SCMH1: variants seen among roughly 807,000 people sequenced by gnomAD.
SCMH1 encodes polycomb protein SCMH1.
Under a neutral mutation model 70.8 loss-of-function variants are expected in SCMH1, and 37 were observed. That is an observed-to-expected ratio of 0.52 (90% CI 0.40 to 0.69). The LOEUF is 0.69. Ranked by LOEUF, SCMH1 falls within the 30% of genes least tolerant of loss-of-function variation. The pLI, the probability that SCMH1 is intolerant of heterozygous loss-of-function variation, is 0.00. For synonymous variants in SCMH1, 292 were observed against 307.4 expected (o/e 0.95, Z 0.52); for missense variants, 607 against 827.3 (o/e 0.73, Z 3.27).
At chr1:41,223,966 C>T (rs1171865434) in intron 1 of SCMH1, among the ~76,000 whole-genome samples, 1 of 152,110 alleles carries the variant, frequency 6.6e-6, no homozygotes, top group Non-Finnish European at 1.5e-5. Flanking sequence ...AAATCATCCT[C>T]GGATGATCCA....
chr1:41,191,022 G>A (rs1470665072), intron 1 of SCMH1, among the ~76,000 whole-genome samples: 2 of 152,162 alleles, frequency 1.3e-5, no homozygotes, highest in Non-Finnish European at 2.9e-5. Flanking sequence ...TTACTGGTGT[G>A]CATCAATGCG....
At chr1:41,133,522 CA>C (rs1642732453) in intron 6 of SCMH1, among the ~76,000 whole-genome samples, 1 of 151,820 alleles carries the variant, frequency 6.6e-6, no homozygotes, top group Admixed American at 6.6e-5. Flanking sequence ...AAAAGATCAA[CA>C]AAATATAGAC....
intron 1 of SCMH1, among the ~76,000 whole-genome samples, chr1:41,199,554 G>C (rs544913271): frequency 3.6e-3 from 551 of 152,120 alleles, no homozygotes; most frequent in Non-Finnish European, 6.5e-3. Context: ...CTGAACTTTG[G>C]AAGTTAAGGT....
At chr1:41,188,704 C>A (rs1435780956) in intron 1 of SCMH1, among the ~76,000 whole-genome samples, 1 of 152,084 alleles carries the variant, frequency 6.6e-6, no homozygotes, top group African/African-American at 2.4e-5. Flanking sequence ...CAACAGGCCA[C>A]CCCTTGAAGC....
intron 1 of SCMH1, among the ~76,000 whole-genome samples, chr1:41,202,196 C>T (rs149113043): frequency 0.016 from 2,383 of 151,982 alleles, 61 homozygotes; most frequent in African/African-American, 0.055. Context: ...CGACCACGCC[C>T]GGCTAATTTT....
intron 5 of SCMH1, among the ~76,000 whole-genome samples, chr1:41,146,475 G>T (rs1644581448): frequency 6.6e-6 from 1 of 151,778 alleles, no homozygotes. Context: ...GCAATTTCCA[G>T]TCCTCCAAGC....
intron 8 of SCMH1, among the ~76,000 whole-genome samples, chr1:41,077,822 G>A (rs1658795191): frequency 6.6e-6 from 1 of 152,132 alleles, no homozygotes; most frequent in South Asian, 2.1e-4. Flanking sequence ...ACCAGTTGGA[G>A]CCTCAATAGT....
At chr1:41,042,594 A>G (rs1646334332) in intron 12 of SCMH1, among the ~76,000 whole-genome samples, 1 of 151,946 alleles carries the variant, frequency 6.6e-6, no homozygotes, top group South Asian at 2.1e-4. Flanking sequence ...AGCCACATGC[A>G]TAGTTCTGAA....
chr1:41,057,211 C>T (rs1442915352), intron 10 of SCMH1, among the ~76,000 whole-genome samples: 8 of 152,220 alleles, frequency 5.3e-5, no homozygotes, highest in Admixed American at 2.6e-4. Context: ...TGCTTCCCAT[C>T]GCTCCACATC....
At chr1:41,054,506 T>C (rs1477379686) in intron 10 of SCMH1, among the ~76,000 whole-genome samples, 2 of 152,174 alleles carry the variant, frequency 1.3e-5, no homozygotes, top group Non-Finnish European at 2.9e-5. Flanking sequence ...ATTTCGACTC[T>C]AGAAAAGGAC....
At chr1:41,081,366 T>C (rs923195782) in intron 8 of SCMH1, among the ~76,000 whole-genome samples, 1 of 152,198 alleles carries the variant, frequency 6.6e-6, no homozygotes, top group African/African-American at 2.4e-5. Context: ...TTCTAAAAAA[T>C]GTGTGGTGTA....
At chr1:41,216,880 T>C (rs924267542) in intron 1 of SCMH1, among the ~76,000 whole-genome samples, 4 of 152,174 alleles carry the variant, frequency 2.6e-5, no homozygotes, top group African/African-American at 9.7e-5. Flanking sequence ...CTCATAGTTG[T>C]GGAGGCCAGA....
chr1:41,053,867 C>CA (rs1310842188), intron 10 of SCMH1, among the ~76,000 whole-genome samples: 2 of 151,400 alleles, frequency 1.3e-5, no homozygotes, highest in Non-Finnish European at 2.9e-5. Flanking sequence ...GTTTTTGAGA[C>CA]AGAGTCTTGC....
At position 41,222,545 on chromosome 1, in the gene SCMH1, A is replaced by G. The variant is rs556597452; in HGVS notation, c.-118+19514T>C. On this transcript the variant is annotated intron_variant, in intron 1 of 14. Transcript: ENST00000337495. Reference sequence around the variant, plus strand: ...GGAATGCACCTTCTATAATACAGCAAAAGAGACTGTACCGAGACATATCAC... The same window carrying G: ...GGAATGCACCTTCTATAATACAGCAGAAGAGACTGTACCGAGACATATCAC... Among the ~76,000 whole-genome samples the G allele has an allele frequency of 2.0e-5, 3 of 152,326 alleles. No individual in the cohort carries two copies. In the East Asian group the frequency reaches 5.8e-4, roughly 29 times the overall value.
At chr1:41,221,205 A>C (rs1659177112) in intron 1 of SCMH1, among the ~76,000 whole-genome samples, 1 of 152,178 alleles carries the variant, frequency 6.6e-6, no homozygotes, top group Non-Finnish European at 1.5e-5. Context: ...AGTGTAGTCA[A>C]ATTCAGAGAT....
intron 1 of SCMH1, among the ~76,000 whole-genome samples, chr1:41,239,998 C>G (rs1663187352): frequency 6.6e-6 from 1 of 152,186 alleles, no homozygotes; most frequent in East Asian, 1.9e-4. Context: ...TATCCTCTAC[C>G]TTTCACTCCA....
chr1:41,190,683 T>G (rs1651487979), intron 1 of SCMH1, among the ~76,000 whole-genome samples: 1 of 152,188 alleles, frequency 6.6e-6, no homozygotes, highest in African/African-American at 2.4e-5. Flanking sequence ...TGTGCATGTA[T>G]GTATGTGTGT....
chr1:41,048,032 G>C (rs1050846560), intron 11 of SCMH1, among the ~76,000 whole-genome samples: 1 of 152,156 alleles, frequency 6.6e-6, no homozygotes, highest in Non-Finnish European at 1.5e-5. Context: ...CTGCTAGGGA[G>C]GAGGGGCAGG....
chr1:41,120,135 G>C (rs185058087), intron 6 of SCMH1, among the ~76,000 whole-genome samples: 4 of 152,166 alleles, frequency 2.6e-5, no homozygotes, highest in Non-Finnish European at 5.9e-5. Context: ...GAAAATTCAG[G>C]TTTAATGCCT....
Sources: gnomAD v4.1 joint callset for allele counts (sites outside exome capture counted in the v4.1 genomes callset) on GRCh38, gnomAD v4.1.1 for gene constraint, MANE v1.5 for transcripts, NCBI Gene and HGNC (gene_info 2026-07-23, HGNC 2026-07-21) for gene names.